The following LSAMP variants were observed in gnomAD, a reference collection of about 807,000 sequenced individuals.
LSAMP encodes limbic system-associated membrane protein.
A neutral mutation model predicts 38.6 loss-of-function variants in LSAMP; 7 were observed. That is an observed-to-expected ratio of 0.18 (90% CI 0.10 to 0.34). The LOEUF (loss-of-function observed/expected upper bound fraction) is 0.34. LSAMP is among the 10% of genes least tolerant of loss of function. The pLI, the probability that LSAMP is intolerant of heterozygous loss-of-function variation, is 1.00. For missense variants in LSAMP, 313 were observed against 420.0 expected (o/e 0.75, Z 2.23); for synonymous variants, 154 against 166.8 (o/e 0.92, Z 0.59).
chr3:116,295,821 C>T (rs1372012899), intron 1 of LSAMP, among the ~76,000 whole-genome samples: 2 of 25,490 alleles, frequency 7.8e-5, no homozygotes, highest in African/African-American at 1.2e-4. Context: ...AAATGAGATA[C>T]CCTGTGAGAA....
chr3:116,028,995 A>T (rs1271080757), intron 2 of LSAMP, among the ~76,000 whole-genome samples: 1 of 152,164 alleles, frequency 6.6e-6, no homozygotes, highest in African/African-American at 2.4e-5. Flanking sequence ...ATATACCATG[A>T]GTGAAATAAT....
intron 6 of LSAMP, among the ~76,000 whole-genome samples, chr3:115,820,322 G>C (rs964810128): frequency 1.3e-5 from 2 of 152,140 alleles, no homozygotes; most frequent in African/African-American, 4.8e-5. Flanking sequence ...TAACAAATAA[G>C]TATGGCAGTG....
intron 6 of LSAMP, among the ~76,000 whole-genome samples, chr3:115,828,408 C>A (rs990989888): frequency 1.3e-5 from 2 of 152,174 alleles, no homozygotes; most frequent in African/African-American, 4.8e-5. Flanking sequence ...TCACTCCATA[C>A]AGTCTCTGAA....
chr3:115,995,651 TG>T (rs979075488), intron 3 of LSAMP, among the ~76,000 whole-genome samples: 1 of 151,782 alleles, frequency 6.6e-6, no homozygotes, highest in Non-Finnish European at 1.5e-5. Context: ...CTTAAGGAGG[TG>T]GAGAGAAAAA....
chr3:116,101,197 C>G (rs1228860502), intron 1 of LSAMP, among the ~76,000 whole-genome samples: 1 of 152,142 alleles, frequency 6.6e-6, no homozygotes, highest in Non-Finnish European at 1.5e-5. Flanking sequence ...TCTGATGTAC[C>G]TTGAAGGTGG....
At chr3:116,279,752 A>G (rs1048711765) in intron 1 of LSAMP, among the ~76,000 whole-genome samples, 1 of 152,212 alleles carries the variant, frequency 6.6e-6, no homozygotes, top group Non-Finnish European at 1.5e-5. Context: ...GTTTTCATAT[A>G]CAACATAAAA....
At chr3:116,215,450 C>G (rs1387391703) in intron 1 of LSAMP, among the ~76,000 whole-genome samples, 1 of 151,500 alleles carries the variant, frequency 6.6e-6, no homozygotes, top group Admixed American at 6.6e-5. Context: ...TTTTGGCCCG[C>G]TGCTGCAAGA....
At chr3:116,042,532 C>T (rs560277577) in intron 2 of LSAMP, among the ~76,000 whole-genome samples, 34 of 151,448 alleles carry the variant, frequency 2.2e-4, no homozygotes, top group Non-Finnish European at 4.3e-4. Flanking sequence ...TAGGTTCAAG[C>T]GATTCCCCTG....
chr3:116,274,984 A>G (rs2047028335), intron 1 of LSAMP, among the ~76,000 whole-genome samples: 1 of 150,994 alleles, frequency 6.6e-6, no homozygotes, highest in African/African-American at 2.4e-5. Flanking sequence ...TGCCCAGAGC[A>G]ACTTTTATTT....
chr3:116,200,265 A>G (rs1358986339), intron 1 of LSAMP, among the ~76,000 whole-genome samples: 1 of 152,190 alleles, frequency 6.6e-6, no homozygotes, highest in Non-Finnish European at 1.5e-5. Context: ...CTTCAACCAC[A>G]CTACAGGGAG....
intron 3 of LSAMP, among the ~76,000 whole-genome samples, chr3:115,877,182 TAAC>T (rs1936203153): frequency 2.6e-5 from 4 of 152,130 alleles, no homozygotes; most frequent in African/African-American, 7.2e-5. Flanking sequence ...ACATCCGGGA[TAAC>T]AAAACCTTAT....
chr3:116,131,084 A>G (rs1489501503), intron 1 of LSAMP, among the ~76,000 whole-genome samples: 2 of 143,246 alleles, frequency 1.4e-5, no homozygotes, highest in Admixed American at 7.5e-5. Context: ...TCCATCTCCC[A>G]GGTTCACGCC....
intron 1 of LSAMP, among the ~76,000 whole-genome samples, chr3:116,106,748 C>T (rs1708477073): frequency 6.6e-6 from 1 of 152,076 alleles, no homozygotes; most frequent in African/African-American, 2.4e-5. Context: ...TAGGAAAGGC[C>T]TCTACCTATC....
chr3:116,438,352 A>G (rs1284739373), intron 1 of LSAMP, among the ~76,000 whole-genome samples: 1 of 152,190 alleles, frequency 6.6e-6, no homozygotes, highest in African/African-American at 2.4e-5. Context: ...ATTTGATCAT[A>G]AAAATAGCTT....
At chr3:115,843,251 T>C (rs959433211) in intron 4 of LSAMP, among the ~76,000 whole-genome samples, 2 of 152,246 alleles carry the variant, frequency 1.3e-5, no homozygotes, top group Non-Finnish European at 2.9e-5. Flanking sequence ...AGCCTTCTAT[T>C]CTCTCTGGCA....
intron 1 of LSAMP, among the ~76,000 whole-genome samples, chr3:116,263,925 T>A (rs16824691): frequency 0.21 from 32,092 of 152,040 alleles, 3,755 homozygotes; most frequent in African/African-American, 0.28. Flanking sequence ...AAAGGTACAC[T>A]CGTAACTGCT....
rs567439705 is a variant in LSAMP, at chr3:115,981,424, T to C, written c.514+38091A>G. ...TCCCTATTGTTGACAGTATGATCTT[T>C]AAAAAAAAAACTGTATCTTTTGAAA... On this transcript the variant is annotated intron_variant, in intron 3 of 6. Coordinates refer to ENST00000490035, the MANE Select transcript of LSAMP (RefSeq NM_002338.5). Among the ~76,000 whole-genome samples, 10 of 149,638 alleles carry C rather than the reference T, an allele frequency of 6.7e-5. 1 individual carries two copies. Among genetic ancestry groups the C allele is most frequent in the African/African-American group, 2.2e-4 (9 of 40,976 alleles).
intron 3 of LSAMP, among the ~76,000 whole-genome samples, chr3:115,927,889 G>T (rs563452674): frequency 8.7e-4 from 132 of 152,236 alleles, no homozygotes; most frequent in Middle Eastern, 3.4e-3. Flanking sequence ...CATACCTCGA[G>T]ACCATTACTA....
chr3:116,351,325 G>T (rs142953862), intron 1 of LSAMP, among the ~76,000 whole-genome samples: 57 of 152,104 alleles, frequency 3.7e-4, no homozygotes, highest in Admixed American at 7.2e-4. Flanking sequence ...ATAGGAAAAT[G>T]ATCAAAAGCT....
Sources: gnomAD v4.1 joint callset for allele counts (sites outside exome capture counted in the v4.1 genomes callset) on GRCh38, gnomAD v4.1.1 for gene constraint, MANE v1.5 for transcripts, NCBI Gene and HGNC (gene_info 2026-07-23, HGNC 2026-07-21) for gene names.